The following ADAMTSL1 variants were observed in gnomAD, a reference collection of about 807,000 sequenced individuals.
The protein encoded by ADAMTSL1 is ADAMTS like 1.
ADAMTSL1 carries 126 observed loss-of-function variants against 201.8 expected under a neutral mutation model. That is an observed-to-expected ratio of 0.62 (90% confidence interval 0.54 to 0.72). The LOEUF is 0.72. Among genes scored for constraint, ADAMTSL1 ranks in the 30% least tolerant of loss-of-function variants. The pLI is 0.00. For missense variants in ADAMTSL1, 2,679 were observed against 2,277.8 expected (o/e 1.18, Z -3.59); for synonymous variants, 1,121 against 903.4 (o/e 1.24, Z -4.32).
At chr9:18,195,799 G>C (rs183442540) in intron 2 of ADAMTSL1, among the ~76,000 whole-genome samples, 1 of 152,114 alleles carries the variant, frequency 6.6e-6, no homozygotes, top group African/African-American at 2.4e-5. Flanking sequence ...CCTTTTAAGT[G>C]ACTTCTGTTT....
At chr9:18,414,755 C>T (rs1818599035) in intron 2 of ADAMTSL1, among the ~76,000 whole-genome samples, 1 of 152,034 alleles carries the variant, frequency 6.6e-6, no homozygotes, top group Non-Finnish European at 1.5e-5. Flanking sequence ...TACAAAGAAA[C>T]CTGAAAACCT....
upstream of ADAMTSL1, among the ~76,000 whole-genome samples, chr9:18,470,584 C>T (rs1280511382): frequency 6.6e-6 from 1 of 152,108 alleles, no homozygotes; most frequent in Non-Finnish European, 1.5e-5. Context: ...GACCCTGTGT[C>T]CCCTATACAC....
At chr9:18,163,524 A>G in intron 1 of ADAMTSL1, among the ~76,000 whole-genome samples, 1 of 151,968 alleles carries the variant, frequency 6.6e-6, no homozygotes, top group East Asian at 1.9e-4. Context: ...CAAGACACAT[A>G]TGAGTTCAGA....
chr9:18,064,609 A>T (rs1209197756), intron 1 of ADAMTSL1, among the ~76,000 whole-genome samples: 7 of 152,166 alleles, frequency 4.6e-5, no homozygotes, highest in Non-Finnish European at 7.3e-5. Context: ...TATGCCCTAT[A>T]ACATAAACCT....
At chr9:18,885,838 G>A (rs111436355) in intron 23 of ADAMTSL1, among the ~76,000 whole-genome samples, 29 of 152,152 alleles carry the variant, frequency 1.9e-4, no homozygotes, top group African/African-American at 6.3e-4. Flanking sequence ...GAAAGAACAC[G>A]GTCCAGGCGT....
At chr9:18,193,811 A>C (rs2132242707) in intron 2 of ADAMTSL1, among the ~76,000 whole-genome samples, 1 of 151,892 alleles carries the variant, frequency 6.6e-6, no homozygotes, top group African/African-American at 2.4e-5. Context: ...GCAAAGACTG[A>C]CTGCCCTTTT....
intron 1 of ADAMTSL1, among the ~76,000 whole-genome samples, chr9:18,078,442 C>T (rs934848667): frequency 6.6e-6 from 1 of 152,142 alleles, no homozygotes; most frequent in African/African-American, 2.4e-5. Context: ...TCTTCCCCTA[C>T]CCCACAGCTC....
At chr9:18,643,905 A>G (rs1302755191) in intron 7 of ADAMTSL1, among the ~76,000 whole-genome samples, 1 of 150,878 alleles carries the variant, frequency 6.6e-6, no homozygotes, top group Admixed American at 6.6e-5. Flanking sequence ...TTTTTTTTCC[A>G]TTTCTGTGAA....
chr9:18,035,100 A>T (rs1821134979), intron 1 of ADAMTSL1, among the ~76,000 whole-genome samples: 1 of 152,234 alleles, frequency 6.6e-6, no homozygotes, highest in African/African-American at 2.4e-5. Context: ...ATATTTTAAT[A>T]ATTAAAATTA....
intron 19 of ADAMTSL1, among the ~76,000 whole-genome samples, chr9:18,780,523 A>G (rs753489033): frequency 1.3e-5 from 2 of 152,160 alleles, no homozygotes; most frequent in African/African-American, 2.4e-5. Flanking sequence ...ATCACACTTG[A>G]TTTTTTATTA....
intron 1 of ADAMTSL1, among the ~76,000 whole-genome samples, chr9:17,997,752 A>C (rs1433642426): frequency 6.6e-6 from 1 of 152,092 alleles, no homozygotes; most frequent in Non-Finnish European, 1.5e-5. Flanking sequence ...TGCATGTAGA[A>C]TATGGTAGCA....
intron 4 of ADAMTSL1, among the ~76,000 whole-genome samples, chr9:18,592,325 G>A (rs145625270): frequency 3.4e-4 from 51 of 152,098 alleles, no homozygotes; most frequent in Non-Finnish European, 4.1e-4. Context: ...CCTTGTTGTC[G>A]CACAGAATAA....
intron 2 of ADAMTSL1, among the ~76,000 whole-genome samples, chr9:18,379,924 T>C (rs930941295): frequency 1.1e-4 from 16 of 152,286 alleles, no homozygotes; most frequent in African/African-American, 3.8e-4. Context: ...AAGCCCCCCT[T>C]CCTGTTTTCC....
intron 1 of ADAMTSL1, among the ~76,000 whole-genome samples, chr9:18,076,935 A>T (rs1356805149): frequency 6.6e-6 from 1 of 152,194 alleles, no homozygotes; most frequent in East Asian, 1.9e-4. Context: ...AAATGGACCG[A>T]TTGAATGTAT....
Position 18,706,845 on chromosome 9 carries a change from C to A in ADAMTSL1, c.1673C>A (p.Ser558Tyr), listed in dbSNP as rs1226504431. The A allele has an allele frequency of 6.2e-7, 1 of 1,612,820 alleles. No individual in the cohort carries two copies. Among genetic ancestry groups the A allele is most frequent in the Non-Finnish European group, 8.5e-7 (1 of 1,179,314 alleles). Residue 558 changes from serine (S) to tyrosine (Y), a missense_variant, in exon 14 of 29, where the codon TCC (serine) becomes TAC (tyrosine). Ser to Tyr is a moderately radical substitution (Grantham distance 144). Transcript: ENST00000380548. ...CAGGTGCTCCTGTCTTTCTCTCAGT[C>A]CGTGGCTGACCTGCCTATTGACGAG... is the stretch of plus-strand genomic sequence containing the variant. Reference protein sequence around the residue: ...RCQVLLSFSQSVADLPIDECE... With the variant: ...RCQVLLSFSQYVADLPIDECE...
rs528428986 is a variant in ADAMTSL1, at chr9:17,947,981, A to G, written c.87+41059A>G. 2.6e-5 allele frequency among the ~76,000 whole-genome samples: 4 copies of G among 152,256 alleles called. No homozygotes were observed. The East Asian group carries it at 7.7e-4, about 29-fold the overall frequency. On this transcript the variant is annotated intron_variant, in intron 1 of 29. Coordinates refer to the ADAMTSL1 transcript ENST00000680146. ...AAGCAGACATTGATGCTTCTTGGAC[A>G]GATTGTGGTCATGTGGTCACTGATG...
intron 7 of ADAMTSL1, among the ~76,000 whole-genome samples, chr9:18,648,146 CTTCT>C (rs1282881359): frequency 7.0e-6 from 1 of 142,222 alleles, no homozygotes; most frequent in African/African-American, 2.5e-5. Flanking sequence ...ATGTAATGGC[CTTCT>C]TTGTCTCTTT....
chr9:18,132,490 A>G lies in ADAMTSL1; in HGVS notation c.88-31372A>G, dbSNP rs1564018060. ...TTAAATATCAGAATATCAGCATTTAATGGGCTCTTCAGGGTGATCTGCCAC... is the reference window on the plus strand; with the variant it reads ...TTAAATATCAGAATATCAGCATTTAGTGGGCTCTTCAGGGTGATCTGCCAC... On this transcript the variant is annotated intron_variant, in intron 1 of 29. Transcript: ENST00000680146. Among the ~76,000 whole-genome samples the G allele has an allele frequency of 2.0e-5, 3 of 152,280 alleles. 1 individual carries two copies. The highest frequency in any genetic ancestry group is 4.1e-4 in the South Asian group (2 of 4,820).
chr9:18,308,587 G>A (rs1174990111), intron 2 of ADAMTSL1, among the ~76,000 whole-genome samples: 2 of 151,372 alleles, frequency 1.3e-5, no homozygotes, highest in African/African-American at 4.9e-5. Flanking sequence ...GGAAAATGAA[G>A]AAGAAATGGA....
Sources: allele counts gnomAD v4.1 joint callset (sites outside exome capture counted in the v4.1 genomes callset), GRCh38; gene constraint gnomAD v4.1.1; transcripts MANE v1.5; gene names NCBI Gene and HGNC (gene_info 2026-07-23, HGNC 2026-07-21).